Variants in PCDH11X observed in about 807,000 individuals in gnomAD.
The protein encoded by PCDH11X is protocadherin 11 X-linked.
A neutral mutation model predicts 53.3 loss-of-function variants in PCDH11X; 18 were observed. The ratio of observed to expected loss-of-function variants is 0.34; its 90% CI spans 0.23 to 0.50. The LOEUF (loss-of-function observed/expected upper bound fraction) is 0.50. PCDH11X is among the 20% of genes least tolerant of loss of function. PCDH11X has a pLI of 0.98. For missense variants in PCDH11X, 570 were observed against 1,032.4 expected (o/e 0.55, Z 6.14); for synonymous variants, 279 against 393.3 (o/e 0.71, Z 3.44).
In PCDH11X at chrX:91,860,483, G is replaced by A. The variant is rs1938599415; in HGVS notation, c.541-16298G>A. Among the ~76,000 whole-genome samples the A allele has an allele frequency of 6.3e-5, 7 of 110,266 alleles. No homozygotes were observed. The Admixed American group carries it at 6.8e-4, about 11-fold the overall frequency. ...TTCTCTTGCCTGATTGTCCTGGCCA[G>A]AACTTCCAATACTATGTTGAATAGG... On this transcript the variant is annotated intron_variant, in intron 5 of 10. Transcript: ENST00000682573.
At chrX:91,937,286 A>G (rs949990141) in intron 6 of PCDH11X, among the ~76,000 whole-genome samples, 1 of 110,473 alleles carries the variant, frequency 9.1e-6, no homozygotes, top group African/African-American at 3.3e-5. Flanking sequence ...AATTTACACA[A>G]TTTTTTCTTA....
chrX:92,446,402 A>T (rs2072646422), intron 9 of PCDH11X, among the ~76,000 whole-genome samples: 1 of 111,060 alleles, frequency 9.0e-6, no homozygotes, highest in Non-Finnish European at 1.9e-5. Flanking sequence ...TAATTCCCAA[A>T]TGCTGTGGGA....
At chrX:92,354,919 T>TAGCAC (rs2070154089) in intron 8 of PCDH11X, among the ~76,000 whole-genome samples, 1 of 110,819 alleles carries the variant, frequency 9.0e-6, no homozygotes, top group Admixed American at 9.7e-5. Flanking sequence ...GCTCATAGCA[T>TAGCAC]AGCACAGAAG....
intron 1 of PCDH11X, among the ~76,000 whole-genome samples, chrX:91,795,021 T>C (rs1602836208): frequency 1.8e-5 from 2 of 108,555 alleles, no homozygotes; most frequent in Non-Finnish European, 3.8e-5. Context: ...TCTGCCATGA[T>C]TGTGAGGCTT....
intron 9 of PCDH11X, among the ~76,000 whole-genome samples, chrX:92,445,182 T>C: frequency 1.0e-5 from 1 of 95,919 alleles, no homozygotes. Flanking sequence ...TGAATCCATT[T>C]GGTCCAGGGC....
Position 92,107,412 on chromosome X carries a change from CA to C in PCDH11X, c.3034-93962del, listed in dbSNP as rs974370938. On this transcript the variant is annotated intron_variant, in intron 6 of 10. Coordinates refer to ENST00000682573, the MANE Select transcript of PCDH11X (RefSeq NM_032968.5). Reference sequence around the variant, plus strand: ...GTCTTAGGTACTTTTGGGTTCAAAACACCCTTGGATGTTAATGGAATCCATT... The same window carrying C: ...GTCTTAGGTACTTTTGGGTTCAAAACCCCTTGGATGTTAATGGAATCCATT... Among the ~76,000 whole-genome samples the C allele has an allele frequency of 2.4e-4, 27 of 112,230 alleles. 1 individual carries two copies. In the East Asian group the frequency reaches 7.6e-3, roughly 32 times the overall value.
intron 7 of PCDH11X, among the ~76,000 whole-genome samples, chrX:92,209,576 C>G (rs747072886): frequency 2.7e-5 from 3 of 112,330 alleles, no homozygotes; most frequent in African/African-American, 9.7e-5. Flanking sequence ...GCCTTTTTGG[C>G]TGTTTTCATG....
Position 92,600,460 on chromosome X carries a change from C to T in PCDH11X, c.3368-17804C>T, listed in dbSNP as rs1926105168. Among the ~76,000 whole-genome samples the T allele has an allele frequency of 3.6e-5, 4 of 111,331 alleles. No individual in the cohort carries two copies. The South Asian group carries it at 1.5e-3, about 42-fold the overall frequency. On this transcript the variant is annotated intron_variant, in intron 10 of 10. Coordinates refer to ENST00000682573, the MANE Select transcript of PCDH11X (RefSeq NM_032968.5). The stretch of plus-strand genomic sequence containing the variant: ...AAGCCATTGTTTCAGAGGGTTCAAG[C>T]CCCATACATTGGTGTCTTACATGTG...
At chrX:92,002,693 G>A (rs2062530847) in intron 6 of PCDH11X, among the ~76,000 whole-genome samples, 1 of 107,271 alleles carries the variant, frequency 9.3e-6, no homozygotes, top group African/African-American at 3.4e-5. Flanking sequence ...TTTTACATTG[G>A]TCACTGTTGG....
At chrX:92,451,361 C>CA (rs1228419439) in intron 9 of PCDH11X, among the ~76,000 whole-genome samples, 4 of 109,460 alleles carry the variant, frequency 3.7e-5, no homozygotes, top group Non-Finnish European at 7.6e-5. Flanking sequence ...ATTAAAAAGG[C>CA]AAAAAAGAAA....
chrX:92,436,127 GA>G (rs1240559684), intron 9 of PCDH11X, among the ~76,000 whole-genome samples: 3 of 108,301 alleles, frequency 2.8e-5, no homozygotes, highest in African/African-American at 1.0e-4. Flanking sequence ...GAATTTATAA[GA>G]AAAAAACAAA....
At chrX:91,976,012 T>C (rs2147918288) in intron 6 of PCDH11X, among the ~76,000 whole-genome samples, 1 of 111,548 alleles carries the variant, frequency 9.0e-6, no homozygotes, top group South Asian at 3.8e-4. Flanking sequence ...CATCGTGTCA[T>C]ATTATTTTAT....
At chrX:91,960,484 G>A (rs1444947435) in intron 6 of PCDH11X, among the ~76,000 whole-genome samples, 2 of 110,417 alleles carry the variant, frequency 1.8e-5, no homozygotes, top group East Asian at 5.7e-4. Flanking sequence ...GAGTGCAGTG[G>A]CGCAATCTCA....
chrX:92,181,013 C>T (rs2065988845), intron 6 of PCDH11X, among the ~76,000 whole-genome samples: 1 of 111,075 alleles, frequency 9.0e-6, no homozygotes, highest in African/African-American at 3.3e-5. Flanking sequence ...GGGTATCAGG[C>T]AGAGGTTGGA....
chrX:92,014,655 A>C (rs1401128334), intron 6 of PCDH11X, among the ~76,000 whole-genome samples: 1 of 111,891 alleles, frequency 8.9e-6, no homozygotes, highest in Non-Finnish European at 1.9e-5. Context: ...ACAATGATAG[A>C]CTGGATTAAG....
intron 10 of PCDH11X, among the ~76,000 whole-genome samples, chrX:92,549,443 C>T (rs1042882024): frequency 9.3e-6 from 1 of 108,003 alleles, no homozygotes; most frequent in Non-Finnish European, 1.9e-5. Context: ...CATTTACTTT[C>T]AACACAGTTT....
intron 6 of PCDH11X, among the ~76,000 whole-genome samples, chrX:92,108,479 C>T (rs1361045130): frequency 9.1e-6 from 1 of 110,482 alleles, no homozygotes; most frequent in Non-Finnish European, 1.9e-5. Context: ...TAGTTTTCGG[C>T]TGCATTGATT....
Position 92,035,185 on chromosome X carries a change from A to G in PCDH11X, c.3033+155912A>G, listed in dbSNP as rs1313545359. 3.6e-5 allele frequency among the ~76,000 whole-genome samples: 4 copies of G among 111,464 alleles called. 1 individual carries two copies. The East Asian group carries it at 1.1e-3, about 32-fold the overall frequency. On this transcript the variant is annotated intron_variant, in intron 6 of 10. Transcript: ENST00000682573. ...ACAGTAGTTTATACACCACAGTTAC[A>G]GTGTTATATTATTCTGTGTTTTTCT...
In PCDH11X at chrX:92,162,799, G is replaced by A. The variant is rs951396881; in HGVS notation, c.3034-38576G>A. ...TTTGATTGTTTAATGCACTATTTTTGTGCTGGTTGGCCACCTGCCAGGAGG... is the reference window on the plus strand; with the variant it reads ...TTTGATTGTTTAATGCACTATTTTTATGCTGGTTGGCCACCTGCCAGGAGG... On this transcript the variant is annotated intron_variant, in intron 6 of 10. Transcript: ENST00000682573. Among the ~76,000 whole-genome samples the A allele has an allele frequency of 1.3e-4, 14 of 104,670 alleles. No individual in the cohort carries two copies. The South Asian group carries it at 3.2e-3, about 24-fold the overall frequency. 90.9% of individuals were successfully genotyped at this position (104,670 alleles called of 115,157 possible). A position where few individuals can be genotyped will look rare whatever the true frequency, so the allele number is the denominator to read the frequency against.
Sources: allele counts gnomAD v4.1 joint callset (sites outside exome capture counted in the v4.1 genomes callset), GRCh38; gene constraint gnomAD v4.1.1; transcripts MANE v1.5; gene names NCBI Gene and HGNC (gene_info 2026-07-23, HGNC 2026-07-21).